TTLL1: variants seen among roughly 807,000 people sequenced by gnomAD.
TTLL1 encodes TTL family tubulin polyglutamylase complex subunit L1.
In TTLL1, 33 loss-of-function variants were observed where a neutral mutation model predicts 47.8. That is an observed-to-expected ratio of 0.69 (90% confidence interval 0.52 to 0.92). TTLL1 has a LOEUF of 0.92. Among genes scored for constraint, TTLL1 ranks in the 40% least tolerant of loss-of-function variants. TTLL1 has a pLI of 0.00. For missense variants in TTLL1, 488 were observed against 547.5 expected, an observed-to-expected ratio of 0.89 and a Z score of 1.08; for synonymous variants, 225 against 214.1, an observed-to-expected ratio of 1.05 and a Z score of -0.45.
At chr22:43,046,349 G>A (rs1926123117) in intron 10 of TTLL1, 61 bp downstream of exon 10, 5 of 1,591,138 alleles carry the variant, frequency 3.1e-6, no homozygotes, top group Non-Finnish European at 4.3e-6. Flanking sequence ...TCCAAGCTGG[G>A]CTATGGCACA....
At chr22:43,059,330 C>A in intron 8 of TTLL1, 54 bp downstream of exon 8, 1 of 1,570,286 alleles carries the variant, frequency 6.4e-7, no homozygotes, top group East Asian at 2.3e-5. Context: ...CAGCAAGCCC[C>A]CCCACTCCCA....
chr22:43,049,525 A>G (rs567752635), intron 9 of TTLL1, among the ~76,000 whole-genome samples: 1 of 151,652 alleles, frequency 6.6e-6, no homozygotes, highest in Non-Finnish European at 1.5e-5. Flanking sequence ...CTCAGTCTCA[A>G]AAAAACAAAA....
At chr22:43,051,672 A>G in intron 9 of TTLL1, 129 bp downstream of exon 9, 1 of 874,260 alleles carries the variant, frequency 1.1e-6, no homozygotes. Flanking sequence ...ATCAAACTCG[A>G]ACATCAGTCC....
intron 5 of TTLL1, among the ~76,000 whole-genome samples, chr22:43,067,724 A>G (rs1404724944): frequency 6.6e-6 from 1 of 151,986 alleles, no homozygotes; most frequent in East Asian, 1.9e-4. Flanking sequence ...TAATCCCAGC[A>G]CTTTGGGAGG....
intron 1 of TTLL1, among the ~76,000 whole-genome samples, chr22:43,080,531 C>A (rs1335631379): frequency 6.6e-6 from 1 of 151,396 alleles, no homozygotes; most frequent in Non-Finnish European, 1.5e-5. Context: ...AGCTGCCATA[C>A]CACCCCTCAT....
intron 8 of TTLL1, among the ~76,000 whole-genome samples, chr22:43,053,041 C>G (rs1477082006): frequency 6.6e-6 from 1 of 152,080 alleles, no homozygotes; most frequent in South Asian, 2.1e-4. Context: ...GCCTGGGCAA[C>G]AAGAGCGAAA....
chr22:43,059,288 A>G, intron 8 of TTLL1, 96 bp downstream of exon 8: 2 of 1,489,916 alleles, frequency 1.3e-6, no homozygotes, highest in South Asian at 2.6e-5. Flanking sequence ...GCCGCCGCGC[A>G]CAGCTGAAAA....
At position 43,042,938 on chromosome 22, in the gene TTLL1, C is replaced by CTT. The variant is rs59595664; in HGVS notation, c.1143-3035_1143-3034dup. ...GAGGCTCTGGCCTCTGCTGCTTTTTCTTTTTTTTTTTTTTTTTTTGAGGCA... is the reference window on the plus strand; with the variant it reads ...GAGGCTCTGGCCTCTGCTGCTTTTTCTTTTTTTTTTTTTTTTTTTTTGAGGCA... On this transcript the variant is annotated intron_variant, in intron 10 of 10. Transcript: ENST00000266254. Among the ~76,000 whole-genome samples the CTT allele has an allele frequency of 3.0e-3, 394 of 129,738 alleles. 4 individuals carry two copies. The highest frequency in any genetic ancestry group is 0.011 in the African/African-American group (365 of 33,944). The allele number at this position is 129,738 out of a possible 152,430, so 85.1% of individuals were successfully genotyped here. A position where few individuals can be genotyped will look rare whatever the true frequency, so the allele number is the denominator to read the frequency against.
At chr22:43,040,790 C>G (rs1925612047) in intron 10 of TTLL1, among the ~76,000 whole-genome samples, 1 of 152,188 alleles carries the variant, frequency 6.6e-6, no homozygotes, top group South Asian at 2.1e-4. Context: ...TTCATGCATC[C>G]TAAGGCCGCG....
intron 5 of TTLL1, 142 bp downstream of exon 5, chr22:43,068,268 G>T: frequency 1.6e-6 from 1 of 643,214 alleles, no homozygotes; most frequent in Non-Finnish European, 2.4e-6. Flanking sequence ...AGTGAGCTGA[G>T]ATTGTGCCAC....
At chr22:43,088,602 CA>C (rs1170789037) in intron 1 of TTLL1, among the ~76,000 whole-genome samples, 1 of 151,820 alleles carries the variant, frequency 6.6e-6, no homozygotes, top group African/African-American at 2.4e-5. Flanking sequence ...CTCGGCCTCC[CA>C]AAGTGCTGGG....
At chr22:43,040,458 T>C (rs1282004746) in intron 10 of TTLL1, among the ~76,000 whole-genome samples, 1 of 152,114 alleles carries the variant, frequency 6.6e-6, no homozygotes, top group East Asian at 1.9e-4. Flanking sequence ...CATTTTCTTT[T>C]TTTTTGAGAT....
chr22:43,055,516 G>A (rs894716439), intron 8 of TTLL1, among the ~76,000 whole-genome samples: 1 of 151,980 alleles, frequency 6.6e-6, no homozygotes, highest in East Asian at 1.9e-4. Context: ...ATTTTTTGTA[G>A]AGACAGAGTC....
chr22:43,085,599 TCTTC>T (rs1433619280), intron 1 of TTLL1, among the ~76,000 whole-genome samples: 2 of 152,226 alleles, frequency 1.3e-5, no homozygotes, highest in Non-Finnish European at 2.9e-5. Flanking sequence ...GTGCCTTTGC[TCTTC>T]CTTCATCTTC....
intron 9 of TTLL1, among the ~76,000 whole-genome samples, chr22:43,047,562 G>C (rs1431620455): frequency 6.6e-6 from 1 of 151,982 alleles, no homozygotes; most frequent in Admixed American, 6.6e-5. Flanking sequence ...TCTGCCTCCC[G>C]GGTTCAAGCA....
intron 8 of TTLL1, among the ~76,000 whole-genome samples, chr22:43,057,416 A>C (rs780632538): frequency 3.9e-5 from 6 of 152,056 alleles, no homozygotes; most frequent in Non-Finnish European, 7.4e-5. Flanking sequence ...GGCCAATTTC[A>C]TACATTTCTG....
intron 7 of TTLL1, among the ~76,000 whole-genome samples, chr22:43,061,870 G>C (rs141030420): frequency 6.6e-6 from 1 of 152,162 alleles, no homozygotes; most frequent in Non-Finnish European, 1.5e-5. Flanking sequence ...TTCAGATCTC[G>C]GCTCCAGCAC....
rs143922367 is a variant in TTLL1 at position 43,053,235 on chromosome 22, A to G, written c.892-1348T>C. ...AGTCAGTGAAGCATAGAGACGGGGT[A>G]GGGAGGTCTTGTCACACGATAGAGG... On this transcript the variant is annotated intron_variant, in intron 8 of 10. Transcript: ENST00000266254. 1.9e-3 allele frequency among the ~76,000 whole-genome samples: 286 copies of G among 152,220 alleles called. 2 individuals carry two copies. The highest frequency in any genetic ancestry group is 6.4e-3 in the African/African-American group (265 of 41,560).
Position 43,068,511 on chromosome 22 carries a change from G to C in TTLL1, c.402C>G (p.Thr134=), listed in dbSNP as rs1189356570. ...CCTTGCCACAAGGCTTCATGATCCA[G>C]GTGCTGGACGGGCTCTTCCGGAACT... ...VEEFRKSPSS[T]WIMKPCGKAQ... is the part of the protein sequence containing the mutation. The change falls in exon 5 of 11, where the codon ACC becomes ACG. Residue 134 remains threonine, a synonymous_variant. Coordinates refer to ENST00000266254, the MANE Select transcript of TTLL1 (RefSeq NM_012263.5). The C allele has an allele frequency of 1.3e-6, 2 of 1,574,544 alleles. No individual in the cohort carries two copies. The highest frequency in any genetic ancestry group is 3.4e-5 in the Admixed American group (2 of 58,898).
Sources: gnomAD v4.1 joint callset for allele counts (sites outside exome capture counted in the v4.1 genomes callset) on GRCh38, gnomAD v4.1.1 for gene constraint, MANE v1.5 for transcripts, NCBI Gene and HGNC (gene_info 2026-07-23, HGNC 2026-07-21) for gene names.